CAST: variants seen among roughly 807,000 people sequenced by gnomAD.
The protein encoded by CAST is MIR583 host.
In CAST, 76 loss-of-function variants were observed where a neutral mutation model predicts 119.6. That is an observed-to-expected ratio of 0.64 (90% CI 0.53 to 0.77). CAST has a LOEUF of 0.77. CAST is among the 30% of genes least tolerant of loss of function. The pLI is 0.00. For synonymous variants in CAST, 319 were observed against 331.6 expected (o/e 0.96, Z 0.41); for missense variants, 953 against 946.5 (o/e 1.01, Z -0.09).
the CAST span, among the ~76,000 whole-genome samples, chr5:96,355,679 C>T: frequency 3.3e-5 from 5 of 152,102 alleles, no homozygotes; most frequent in Admixed American, 2.0e-4. Context: ...TCCACGTCCT[C>T]TCCAGCATCT....
the CAST span, among the ~76,000 whole-genome samples, chr5:96,367,535 C>T: frequency 1.3e-5 from 2 of 151,582 alleles, no homozygotes; most frequent in Admixed American, 1.3e-4. Flanking sequence ...AGGCGCCCCT[C>T]CCCCAGACTT....
the CAST span, among the ~76,000 whole-genome samples, chr5:96,383,499 T>G: frequency 6.6e-6 from 1 of 152,144 alleles, no homozygotes; most frequent in African/African-American, 2.4e-5. Flanking sequence ...CAGGCTGGAG[T>G]GCAATGGCAC....
At chr5:95,983,659 T>C in the CAST span, among the ~76,000 whole-genome samples, 2 of 152,240 alleles carry the variant, frequency 1.3e-5, no homozygotes, top group Non-Finnish European at 2.9e-5. Flanking sequence ...CATGTTACTT[T>C]AAAAATATTC....
intron 1 of CAST, among the ~76,000 whole-genome samples, chr5:96,601,121 C>T (rs1281675379): frequency 6.6e-6 from 1 of 152,122 alleles, no homozygotes; most frequent in Non-Finnish European, 1.5e-5. Context: ...CATCTCCTTC[C>T]CTTACTCCTC....
At chr5:96,534,741 G>A (rs200838573) in intron 1 of CAST, among the ~76,000 whole-genome samples, 603 of 9,128 alleles carry the variant, frequency 0.066, 96 homozygotes, top group Middle Eastern at 0.077. Flanking sequence ...GAGAGAGAGA[G>A]AAAGAAAGAA....
the CAST span, among the ~76,000 whole-genome samples, chr5:96,436,111 G>T: frequency 6.6e-6 from 1 of 152,166 alleles, no homozygotes; most frequent in African/African-American, 2.4e-5. Flanking sequence ...ATGTAGACTT[G>T]CCTGTTTGCT....
At chr5:96,406,118 C>G in the CAST span, among the ~76,000 whole-genome samples, 1 of 152,126 alleles carries the variant, frequency 6.6e-6, no homozygotes, top group African/African-American at 2.4e-5. Flanking sequence ...TTTTCAATCT[C>G]AACTCTGAGA....
chr5:96,367,298 C>A, the CAST span, among the ~76,000 whole-genome samples: 1 of 97,894 alleles, frequency 1.0e-5, no homozygotes, highest in Admixed American at 9.0e-5. Context: ...GGCAGTCTGT[C>A]CATTCTCAGA....
chr5:96,421,762 G>A, the CAST span: 3 of 758,138 alleles, frequency 4.0e-6, no homozygotes, highest in East Asian at 2.5e-5. Flanking sequence ...TGGTATGGAT[G>A]TTGTGCATTA....
the CAST span, among the ~76,000 whole-genome samples, chr5:96,346,215 A>G: frequency 6.6e-6 from 1 of 152,196 alleles, no homozygotes. Flanking sequence ...AGAAGACTCC[A>G]GATTTCGGGC....
the CAST span, among the ~76,000 whole-genome samples, chr5:96,050,885 C>T: frequency 1.3e-5 from 2 of 151,938 alleles, no homozygotes; most frequent in Admixed American, 6.6e-5. Flanking sequence ...CACTCCTGAA[C>T]CCCCAGAATT....
At chr5:96,077,871 C>G in the CAST span, among the ~76,000 whole-genome samples, 1 of 152,140 alleles carries the variant, frequency 6.6e-6, no homozygotes, top group Non-Finnish European at 1.5e-5. Flanking sequence ...ATAAGATGAA[C>G]TAACTTGTTT....
At chr5:96,663,289 G>A in intron 1 of CAST, 1 of 697,212 alleles carries the variant, frequency 1.4e-6, no homozygotes, top group Admixed American at 2.0e-5. Flanking sequence ...GGGAAGGGGT[G>A]CGGACCGGGT....
chr5:96,278,608 G>A, the CAST span: 8 of 152,118 alleles, frequency 5.3e-5, no homozygotes, highest in African/African-American at 1.9e-4. Flanking sequence ...AAAAAGCATG[G>A]GATTGCTTAT....
the CAST span, among the ~76,000 whole-genome samples, chr5:96,305,387 T>C: frequency 2.0e-5 from 3 of 152,358 alleles, no homozygotes; most frequent in Non-Finnish European, 4.4e-5. Context: ...TATACAATCA[T>C]GTCATCTGCA....
the CAST span, among the ~76,000 whole-genome samples, chr5:96,409,911 A>G: frequency 6.6e-6 from 1 of 152,108 alleles, no homozygotes; most frequent in Non-Finnish European, 1.5e-5. Flanking sequence ...CGTGTTGACA[A>G]TTTTGTTGAG....
At chr5:95,983,978 G>T in the CAST span, among the ~76,000 whole-genome samples, 2 of 152,050 alleles carry the variant, frequency 1.3e-5, no homozygotes, top group Non-Finnish European at 2.9e-5. Flanking sequence ...AGATCCTAGG[G>T]GAAGGCTTTA....
chr5:96,272,753 G>A, the CAST span, among the ~76,000 whole-genome samples: 2 of 151,932 alleles, frequency 1.3e-5, no homozygotes, highest in Non-Finnish European at 2.9e-5. Flanking sequence ...TAACTCAAAG[G>A]TTTCTGGCAA....
the CAST span, among the ~76,000 whole-genome samples, chr5:96,069,709 T>C: frequency 2.1e-5 from 3 of 141,848 alleles, no homozygotes; most frequent in Admixed American, 7.4e-5. Flanking sequence ...CTGTGTTGCC[T>C]AGGCTGGTCT....
Sources: allele counts gnomAD v4.1 joint callset (sites outside exome capture counted in the v4.1 genomes callset), GRCh38; gene constraint gnomAD v4.1.1; transcripts MANE v1.5; gene names NCBI Gene and HGNC (gene_info 2026-07-23, HGNC 2026-07-21).